Variants in ITGA11 observed in about 807,000 individuals in gnomAD.
ITGA11 encodes integrin subunit alpha 11, also known as integrin alpha-11.
In ITGA11, 97 loss-of-function variants were observed where a neutral mutation model predicts 141.9. The ratio of observed to expected loss-of-function variants is 0.68; its 90% CI spans 0.58 to 0.81. The LOEUF (loss-of-function observed/expected upper bound fraction) is 0.81, where lower values mean the gene tolerates loss of function less well. Ranked by LOEUF, ITGA11 falls within the 30% of genes least tolerant of loss-of-function variation. The pLI, the probability that ITGA11 is intolerant of heterozygous loss-of-function variation, is 0.00. For missense variants in ITGA11, 1,387 were observed against 1,559.2 expected, an observed-to-expected ratio of 0.89 and a Z score of 1.86; for synonymous variants, 658 against 624.6, an observed-to-expected ratio of 1.05 and a Z score of -0.80.
intron 2 of ITGA11, among the ~76,000 whole-genome samples, chr15:68,391,133 C>G (rs1024658403): frequency 2.0e-5 from 3 of 152,120 alleles, no homozygotes; most frequent in Non-Finnish European, 2.9e-5. Context: ...GTGGTGGGAT[C>G]CACACAAGTG....
chr15:68,372,647 A>C (rs1176059083), intron 2 of ITGA11, among the ~76,000 whole-genome samples: 2 of 152,170 alleles, frequency 1.3e-5, no homozygotes, highest in Non-Finnish European at 2.9e-5. Context: ...CCAAGAGAGG[A>C]TGGTCCCTGT....
intron 7 of ITGA11, among the ~76,000 whole-genome samples, chr15:68,353,052 C>G (rs549117443): frequency 1.8e-4 from 27 of 152,338 alleles, no homozygotes; most frequent in African/African-American, 6.3e-4. Context: ...GTCTGACCCA[C>G]AGCAAGGCAG....
chr15:68,374,300 T>C (rs1567149149), intron 2 of ITGA11, among the ~76,000 whole-genome samples: 1 of 152,252 alleles, frequency 6.6e-6, no homozygotes, highest in Non-Finnish European at 1.5e-5. Flanking sequence ...TTGTCCTGTG[T>C]GCATCCCACA....
At chr15:68,401,014 A>G (rs1896496048) in intron 2 of ITGA11, among the ~76,000 whole-genome samples, 1 of 136,310 alleles carries the variant, frequency 7.3e-6, no homozygotes, top group African/African-American at 2.8e-5. Flanking sequence ...AGTAAGAAAA[A>G]GACACACAAC....
At position 68,396,986 on chromosome 15, in the gene ITGA11, T is replaced by A. The variant is rs1186561899; in HGVS notation, c.164+5932A>T. On this transcript the variant is annotated intron_variant, in intron 2 of 29. Transcript: ENST00000315757. ...TAATAAATAATATATTATATATTAT[T>A]TATTATATAATATATAATATATATT... is the stretch of plus-strand genomic sequence containing the variant. Among the ~76,000 whole-genome samples, 63 of 34,138 alleles carry A rather than the reference T, an allele frequency of 1.8e-3. 8 individuals are homozygous for A. Among genetic ancestry groups the A allele is most frequent in the Admixed American group, 8.9e-3 (15 of 1,688 alleles). 22.4% of individuals were successfully genotyped at this position (34,138 alleles called of 152,430 possible). A position where few individuals can be genotyped will look rare whatever the true frequency, so the allele number is the denominator to read the frequency against.
At position 68,305,957 on chromosome 15, in the gene ITGA11, C is replaced by A. The variant is rs553761507; in HGVS notation, c.3381+1391G>T. On this transcript the variant is annotated intron_variant, in intron 28 of 29. Coordinates refer to ENST00000315757, the MANE Select transcript of ITGA11 (RefSeq NM_001004439.2). The surrounding 1 kb of genome is among the most constrained non-coding windows in gnomAD (Gnocchi z 4.6). ...ATCCCAGCACTTTGGGAAGCCGAGG[C>A]GGGCAGATCATGAGGTCAGGAGATC... 6.7e-6 allele frequency among the ~76,000 whole-genome samples: 1 copy of A among 149,614 alleles called. No individual in the cohort carries two copies. The highest frequency in any genetic ancestry group is 1.5e-5 in the Non-Finnish European group (1 of 67,752).
At position 68,321,679 on chromosome 15, in the gene ITGA11, G is replaced by A. The variant is rs76934453; in HGVS notation, c.2323-176C>T. Among the ~76,000 whole-genome samples, 442 of 152,212 alleles carry A rather than the reference G, an allele frequency of 2.9e-3. 4 individuals are homozygous for A. Among genetic ancestry groups the A allele is most frequent in the African/African-American group, 0.01 (417 of 41,514 alleles). ...CCATAGATGCTTCCCTCTTTAAAAC[G>A]ATGCTCAAAGCTCAGCTCCTCCTGG... On this transcript the variant is annotated intron_variant, in intron 18 of 29. Coordinates refer to ENST00000315757, the MANE Select transcript of ITGA11 (RefSeq NM_001004439.2). The surrounding 1 kb of genome is among the most constrained non-coding windows in gnomAD (Gnocchi z 4.9).
rs75922897 is a variant in ITGA11, at chr15:68,306,422, C to T, written c.3381+926G>A. 1.3e-4 allele frequency among the ~76,000 whole-genome samples: 20 copies of T among 152,188 alleles called. No homozygotes were observed. The East Asian group carries it at 2.9e-3, about 22-fold the overall frequency. ...GAACATTGCAGCATCTTTCAAGATT[C>T]GGTTCAAACAGTCTCCAGAAAGCTT... On this transcript the variant is annotated intron_variant, in intron 28 of 29. Coordinates refer to ENST00000315757, the MANE Select transcript of ITGA11 (RefSeq NM_001004439.2).
At chr15:68,314,874 G>T (rs913503462) in intron 22 of ITGA11, among the ~76,000 whole-genome samples, 1 of 152,152 alleles carries the variant, frequency 6.6e-6, no homozygotes. Flanking sequence ...GTTAGTGTTC[G>T]GTTTGCCTGG....
intron 1 of ITGA11, among the ~76,000 whole-genome samples, chr15:68,431,116 C>T (rs980120685): frequency 2.0e-5 from 3 of 152,210 alleles, no homozygotes; most frequent in African/African-American, 7.2e-5. Context: ...GCAGCCGCCC[C>T]GCGTGGAGGG....
Position 68,331,021 on chromosome 15 carries a change from C to T in ITGA11, c.1861G>A (p.Asp621Asn), listed in dbSNP as rs370402306. 12 of 1,613,670 alleles carry T rather than the reference C, an allele frequency of 7.4e-6. No individual in the cohort carries two copies. The highest frequency in any genetic ancestry group is 3.3e-5 in the Admixed American group (2 of 59,992). Reference protein sequence around the residue: ...QLDLNEDGLIDLAVGALGNAV... With the variant: ...QLDLNEDGLINLAVGALGNAV... ...TTGCCAAGGGCTCCCACTGCCAGGT[C>T]GATGAGCCCATCCTCATTGAGGTCC... The change falls in exon 15 of 30, where the codon GAC (aspartate) becomes AAC (asparagine). Residue 621 changes from aspartate to asparagine, a missense_variant. Physicochemically the swap from Asp to Asn is conservative, Grantham distance 23 (BLOSUM62 1). Coordinates refer to ENST00000315757, the MANE Select transcript of ITGA11 (RefSeq NM_001004439.2).
rs768218245 is a variant in ITGA11 at position 68,402,925 on chromosome 15, T to A, written c.157A>T (p.Asn53Tyr). Residue 53 changes from asparagine (N) to tyrosine (Y), a missense_variant, in exon 2 of 30, where the codon AAT (asparagine) becomes TAT (tyrosine). Transcript: ENST00000315757. The part of the protein sequence containing the change: ...YTVQQHDISG[N>Y]KWLVVGAPLE... ...GCGGCCGCTCTCACTCACCACTTAT[T>A]GCCACTGATGTCGTGCTGCTGCACT... 3.1e-6 allele frequency: 5 copies of A among 1,612,014 alleles called. No individual in the cohort carries two copies. The highest frequency in any genetic ancestry group is 4.2e-6 in the Non-Finnish European group (5 of 1,178,452).
At chr15:68,431,214 C>A (rs772393289) in intron 1 of ITGA11, among the ~76,000 whole-genome samples, 4 of 152,252 alleles carry the variant, frequency 2.6e-5, no homozygotes, top group Admixed American at 6.5e-5. Flanking sequence ...CCCAGCCGCG[C>A]GCCCCTCGGG....
At chr15:68,336,520 C>T (rs556991573) in intron 11 of ITGA11, among the ~76,000 whole-genome samples, 5 of 152,288 alleles carry the variant, frequency 3.3e-5, no homozygotes, top group East Asian at 3.9e-4. Flanking sequence ...TGCCAATCCC[C>T]GCTCCCGGTA....
intron 3 of ITGA11, 111 bp from the exon 4 acceptor site, chr15:68,364,909 G>T (rs1895369166): frequency 9.5e-7 from 1 of 1,052,390 alleles, no homozygotes; most frequent in East Asian, 2.5e-5. Context: ...CCTGACCCTG[G>T]GGACCTCTGG....
chr15:68,317,773 A>C (rs971385662), intron 20 of ITGA11, among the ~76,000 whole-genome samples: 2 of 152,146 alleles, frequency 1.3e-5, no homozygotes, highest in Non-Finnish European at 2.9e-5. Flanking sequence ...TGGCAGCTAC[A>C]GTTATGATGA....
At position 68,358,148 on chromosome 15, in the gene ITGA11, C is replaced by T. The variant is rs559814138; in HGVS notation, c.600+310G>A. Among the ~76,000 whole-genome samples the T allele has an allele frequency of 3.2e-4, 48 of 152,350 alleles. No homozygotes were observed. In the Middle Eastern group the frequency reaches 0.014, roughly 43 times the overall value. On this transcript the variant is annotated intron_variant, in intron 6 of 29. Coordinates refer to ENST00000315757, the MANE Select transcript of ITGA11 (RefSeq NM_001004439.2). The stretch of plus-strand genomic sequence containing the variant: ...GTCTAATTCTCCCCTGTGCCCCACT[C>T]GACAGGGCTCTAGATTCCACTCAAC...
chr15:68,409,228 G>A (rs527238223), intron 1 of ITGA11, among the ~76,000 whole-genome samples: 2 of 152,148 alleles, frequency 1.3e-5, no homozygotes, highest in East Asian at 3.9e-4. Context: ...GGCCTTCAGC[G>A]TGGGCTGCTC....
At chr15:68,327,635 A>G (rs1894020847) in intron 16 of ITGA11, among the ~76,000 whole-genome samples, 1 of 151,102 alleles carries the variant, frequency 6.6e-6, no homozygotes, top group African/African-American at 2.4e-5. Flanking sequence ...GAAGTGATGG[A>G]CCCTCAGAAG....
Sources: gnomAD v4.1 joint callset for allele counts (sites outside exome capture counted in the v4.1 genomes callset) on GRCh38, gnomAD v4.1.1 for gene constraint, Gnocchi (gnomAD v3.1) non-coding constraint, MANE v1.5 for transcripts, NCBI Gene and HGNC (gene_info 2026-07-23, HGNC 2026-07-21) for gene names.